The following PTPRD variants were observed in gnomAD, a reference collection of about 807,000 sequenced individuals.
PTPRD encodes the protein receptor-type tyrosine-protein phosphatase delta.
In PTPRD, 34 loss-of-function variants were observed where a neutral mutation model predicts 214.5. The observed-to-expected ratio is 0.16, with a 90% CI of 0.12 to 0.21. PTPRD has a LOEUF of 0.21. PTPRD is among the 10% of genes least tolerant of loss of function. The probability of loss-of-function intolerance (pLI) is 1.00; values close to 1 mark genes in which losing one functional copy is unlikely to be tolerated. For synonymous variants in PTPRD, 1,128 were observed against 845.7 expected, an observed-to-expected ratio of 1.33 and a Z score of -5.79; for missense variants, 2,545 against 2,398.7, an observed-to-expected ratio of 1.06 and a Z score of -1.27.
intron 10 of PTPRD, among the ~76,000 whole-genome samples, chr9:9,139,606 C>T (rs540817633): frequency 8.1e-4 from 109 of 133,974 alleles, no homozygotes; most frequent in African/African-American, 2.6e-3. Flanking sequence ...ATAAATAGGC[C>T]GGACAAAGGG....
intron 2 of PTPRD, among the ~76,000 whole-genome samples, chr9:10,387,530 C>T (rs909876466): frequency 4.6e-5 from 7 of 151,768 alleles, no homozygotes; most frequent in Admixed American, 1.3e-4. Context: ...TGGACCTGGC[C>T]TCGCCTTTCC....
intron 30 of PTPRD, among the ~76,000 whole-genome samples, chr9:8,474,257 T>C (rs1170819758): frequency 1.3e-5 from 2 of 152,152 alleles, no homozygotes; most frequent in South Asian, 2.1e-4. Context: ...CTGGCTGATT[T>C]TTGCCATCTA....
At chr9:9,542,316 G>A (rs554463623) in intron 8 of PTPRD, among the ~76,000 whole-genome samples, 7 of 151,610 alleles carry the variant, frequency 4.6e-5, no homozygotes, top group Non-Finnish European at 8.9e-5. Context: ...CTCACTTAAT[G>A]CCAAAAAAGA....
intron 11 of PTPRD, among the ~76,000 whole-genome samples, chr9:8,845,167 GAAAAAAAAACAAAAAC>G (rs1457596419): frequency 2.4e-5 from 2 of 84,618 alleles, no homozygotes; most frequent in African/African-American, 5.2e-5. Context: ...ATCCTTGCAG[GAAAAAAAAACAAAAAC>G]AAAAAAAAAC....
At chr9:8,570,170 T>C (rs984312008) in intron 14 of PTPRD, among the ~76,000 whole-genome samples, 1 of 152,054 alleles carries the variant, frequency 6.6e-6, no homozygotes, top group Non-Finnish European at 1.5e-5. Flanking sequence ...TATATGTGAC[T>C]TCATTATATT....
intron 11 of PTPRD, among the ~76,000 whole-genome samples, chr9:8,896,679 T>A (rs2098615722): frequency 6.6e-6 from 1 of 152,312 alleles, no homozygotes; most frequent in South Asian, 2.1e-4. Flanking sequence ...ACTTGAATAG[T>A]TTCAGGTTTA....
At chr9:9,233,469 C>T (rs1320881674) in intron 9 of PTPRD, among the ~76,000 whole-genome samples, 1 of 152,160 alleles carries the variant, frequency 6.6e-6, no homozygotes, top group African/African-American at 2.4e-5. Context: ...TCCCTAATCT[C>T]ATGTTCTTAC....
At chr9:10,422,003 T>C (rs1373514330) in intron 2 of PTPRD, among the ~76,000 whole-genome samples, 2 of 151,830 alleles carry the variant, frequency 1.3e-5, no homozygotes, top group Non-Finnish European at 2.9e-5. Flanking sequence ...TCAAAGAGTA[T>C]CTACTTTGCT....
chr9:10,207,774 GA>G (rs1279790309), intron 3 of PTPRD, among the ~76,000 whole-genome samples: 1 of 151,328 alleles, frequency 6.6e-6, no homozygotes, highest in Non-Finnish European at 1.5e-5. Flanking sequence ...GTGTAAAAGT[GA>G]GTATAAATGT....
intron 7 of PTPRD, among the ~76,000 whole-genome samples, chr9:9,718,124 T>C (rs1395623157): frequency 6.6e-6 from 1 of 152,212 alleles, no homozygotes; most frequent in African/African-American, 2.4e-5. Context: ...CTTTAGTTTA[T>C]CAAGAAATAG....
chr9:10,479,424 A>C (rs1426983513), intron 2 of PTPRD, among the ~76,000 whole-genome samples: 4 of 152,250 alleles, frequency 2.6e-5, no homozygotes, highest in South Asian at 2.1e-4. Context: ...ATGGGGATAA[A>C]GGAAACCTAA....
chr9:8,652,696 A>C (rs1290344727), intron 12 of PTPRD, among the ~76,000 whole-genome samples: 1 of 152,204 alleles, frequency 6.6e-6, no homozygotes, highest in Non-Finnish European at 1.5e-5. Context: ...CTAAAATATG[A>C]ATGTGTAATC....
intron 9 of PTPRD, among the ~76,000 whole-genome samples, chr9:9,254,526 T>A (rs904754726): frequency 2.0e-5 from 3 of 152,080 alleles, no homozygotes; most frequent in Non-Finnish European, 4.4e-5. Flanking sequence ...GAAGGATGGT[T>A]ATAACAAAAG....
intron 3 of PTPRD, among the ~76,000 whole-genome samples, chr9:10,298,926 T>C (rs982905033): frequency 8.1e-4 from 123 of 152,064 alleles, no homozygotes; most frequent in African/African-American, 2.8e-3. Context: ...AGTTCATTGA[T>C]TAGAAAGTAC....
At chr9:9,904,481 T>C (rs10978074) in intron 5 of PTPRD, among the ~76,000 whole-genome samples, 12,758 of 152,084 alleles carry the variant, frequency 0.084, 846 homozygotes, top group East Asian at 0.34. Flanking sequence ...AATCCTCAAT[T>C]AGACTGTAAT....
At chr9:9,592,257 A>G (rs1442410468) in intron 7 of PTPRD, among the ~76,000 whole-genome samples, 1 of 152,042 alleles carries the variant, frequency 6.6e-6, no homozygotes, top group African/African-American at 2.4e-5. Context: ...TTCCATTTCC[A>G]TGCTGTAGAT....
At chr9:9,931,555 G>A (rs975460742) in intron 5 of PTPRD, among the ~76,000 whole-genome samples, 22 of 152,144 alleles carry the variant, frequency 1.4e-4, no homozygotes, top group Admixed American at 2.6e-4. Flanking sequence ...ATTATATCCC[G>A]CACGTGGCTC....
chr9:8,456,424 G>C (rs2096205232), intron 33 of PTPRD, among the ~76,000 whole-genome samples: 1 of 152,138 alleles, frequency 6.6e-6, no homozygotes, highest in African/African-American at 2.4e-5. Context: ...GGATGAGTTG[G>C]AGTTATCCAA....
chr9:8,709,572 G>A (rs958976362), intron 12 of PTPRD, among the ~76,000 whole-genome samples: 2 of 150,866 alleles, frequency 1.3e-5, no homozygotes, highest in African/African-American at 2.4e-5. Context: ...CAGAATGGAT[G>A]TAAAGTGTTC....
Sources: allele counts gnomAD v4.1 joint callset (sites outside exome capture counted in the v4.1 genomes callset), GRCh38; gene constraint gnomAD v4.1.1; transcripts MANE v1.5; gene names NCBI Gene and HGNC (gene_info 2026-07-23, HGNC 2026-07-21).